CHLSN: variants seen among roughly 807,000 people sequenced by gnomAD.
The protein encoded by CHLSN is protein cholesin.
At chr7:1,134,141 T>A in the CHLSN span, among the ~76,000 whole-genome samples, 1 of 151,902 alleles carries the variant, frequency 6.6e-6, no homozygotes, top group Admixed American at 6.6e-5. Context: ...GGCATGGTGG[T>A]GCGTGCCTGT....
At chr7:989,935 A>G in the CHLSN span, among the ~76,000 whole-genome samples, 1,381 of 103,340 alleles carry the variant, frequency 0.013, 91 homozygotes, top group East Asian at 0.15. Context: ...TGTGAGTGGC[A>G]CCTGTGCTGG....
the CHLSN span, among the ~76,000 whole-genome samples, chr7:1,126,780 C>A: frequency 3.9e-5 from 6 of 152,182 alleles, no homozygotes; most frequent in African/African-American, 1.4e-4. Context: ...ATTCATAACC[C>A]GCTGCACACC....
the CHLSN span, chr7:987,260 C>T: frequency 6.6e-7 from 1 of 1,507,324 alleles, no homozygotes; most frequent in Non-Finnish European, 8.9e-7. Context: ...GACCCCGGCG[C>T]CTGGCGAGAC....
At chr7:1,023,240 C>T in the CHLSN span, among the ~76,000 whole-genome samples, 1 of 152,236 alleles carries the variant, frequency 6.6e-6, no homozygotes. The surrounding 1 kb of genome is among the most constrained non-coding windows in gnomAD (Gnocchi z 5.0). Context: ...GCAGCCGCGA[C>T]ACGGGCTGAG....
chr7:986,721 TGGAGGCGC>T, the CHLSN span: 1 of 1,611,658 alleles, frequency 6.2e-7, no homozygotes, highest in Non-Finnish European at 8.5e-7. Flanking sequence ...AGGACCCTCC[TGGAGGCGC>T]GGAGGCCCCA....
the CHLSN span, among the ~76,000 whole-genome samples, chr7:1,102,535 G>C: frequency 6.6e-6 from 1 of 152,198 alleles, no homozygotes; most frequent in Non-Finnish European, 1.5e-5. Flanking sequence ...AACCAAAGGA[G>C]TGTTTCAAAC....
chr7:1,020,956 C>A, the CHLSN span, among the ~76,000 whole-genome samples: 1 of 152,106 alleles, frequency 6.6e-6, no homozygotes, highest in African/African-American at 2.4e-5. Context: ...ATGGGACCTC[C>A]CAGCAGGGCC....
At chr7:1,002,013 T>C in the CHLSN span, among the ~76,000 whole-genome samples, 5 of 52,280 alleles carry the variant, frequency 9.6e-5, no homozygotes, top group Admixed American at 2.1e-4. Flanking sequence ...GTGAGTGGAG[T>C]CCTGTGGGTG....
the CHLSN span, among the ~76,000 whole-genome samples, chr7:1,016,533 ACAAAGCAGCG>A: frequency 7.3e-6 from 1 of 136,294 alleles, no homozygotes; most frequent in Admixed American, 7.3e-5. Flanking sequence ...ACACACCAGC[ACAAAGCAGCG>A]CACGCCAGCG....
At chr7:1,004,597 T>C in the CHLSN span, among the ~76,000 whole-genome samples, 17 of 152,272 alleles carry the variant, frequency 1.1e-4, no homozygotes, top group South Asian at 2.1e-4. Context: ...CGTCCCGCTC[T>C]TGGCCTCGTC....
chr7:1,057,368 C>A, the CHLSN span: 14 of 595,358 alleles, frequency 2.4e-5, no homozygotes, highest in Middle Eastern at 3.0e-3. Context: ...GCACCAAAGG[C>A]AGCCTCGCTC....
chr7:1,027,191 G>A, the CHLSN span, among the ~76,000 whole-genome samples: 1 of 152,232 alleles, frequency 6.6e-6, no homozygotes, highest in African/African-American at 2.4e-5. Flanking sequence ...ACTAAGTACG[G>A]GTTAGGTTTT....
At chr7:1,008,861 G>GTAAACACA in the CHLSN span, among the ~76,000 whole-genome samples, 1 of 146,918 alleles carries the variant, frequency 6.8e-6, no homozygotes, top group African/African-American at 2.7e-5. Context: ...GTAAACACAC[G>GTAAACACA]CACACACGTG....
At chr7:1,123,107 AG>A in the CHLSN span, among the ~76,000 whole-genome samples, 2 of 152,156 alleles carry the variant, frequency 1.3e-5, no homozygotes, top group Non-Finnish European at 2.9e-5. The surrounding 1 kb of genome is among the most constrained non-coding windows in gnomAD (Gnocchi z 4.4). Flanking sequence ...CCCAGGACCG[AG>A]GAACGGCCAA....
At chr7:1,008,865 A>G in the CHLSN span, among the ~76,000 whole-genome samples, 2 of 150,078 alleles carry the variant, frequency 1.3e-5, no homozygotes, top group Non-Finnish European at 3.0e-5. Context: ...ACACACGCAC[A>G]CACGTGTACG....
the CHLSN span, among the ~76,000 whole-genome samples, chr7:1,064,694 C>T: frequency 2.0e-5 from 3 of 152,196 alleles, no homozygotes; most frequent in Admixed American, 2.0e-4. Context: ...ACTCCTCCCT[C>T]GGCCGAGTCA....
the CHLSN span, chr7:1,055,528 G>T: frequency 2.2e-6 from 1 of 447,244 alleles, no homozygotes; most frequent in South Asian, 1.6e-5. Flanking sequence ...GACGTGGGGG[G>T]CTCTGTGCAG....
At chr7:1,115,945 T>G in the CHLSN span, among the ~76,000 whole-genome samples, 17 of 112,170 alleles carry the variant, frequency 1.5e-4, 2 homozygotes, top group East Asian at 3.3e-3. Flanking sequence ...ACGGCTTCCA[T>G]CACCAAAGCC....
the CHLSN span, among the ~76,000 whole-genome samples, chr7:1,053,940 C>G: frequency 6.6e-6 from 1 of 152,244 alleles, no homozygotes; most frequent in East Asian, 1.9e-4. Context: ...AGGGCACTCC[C>G]AGGGACCCTG....
Sources: gnomAD v4.1 joint callset for allele counts (sites outside exome capture counted in the v4.1 genomes callset) on GRCh38, gnomAD v4.1.1 for gene constraint, Gnocchi (gnomAD v3.1) non-coding constraint, MANE v1.5 for transcripts, NCBI Gene and HGNC (gene_info 2026-07-23, HGNC 2026-07-21) for gene names.